The following VAT1L variants were observed in gnomAD, a reference collection of about 807,000 sequenced individuals.
VAT1L encodes the protein vesicle amine transport 1 like.
In VAT1L, 34 loss-of-function variants were observed where a neutral mutation model predicts 44.1. The observed-to-expected ratio is 0.77, with a 90% CI of 0.59 to 1.03. VAT1L has a LOEUF of 1.03. Ranked by LOEUF, VAT1L falls within the 50% of genes least tolerant of loss-of-function variation. VAT1L has a pLI of 0.00. For missense variants in VAT1L, 615 were observed against 538.8 expected (o/e 1.14, Z -1.40); for synonymous variants, 253 against 202.2 (o/e 1.25, Z -2.13).
chr16:77,859,090 G>T (rs895543767), intron 3 of VAT1L, among the ~76,000 whole-genome samples: 2 of 151,392 alleles, frequency 1.3e-5, no homozygotes, highest in African/African-American at 4.9e-5. Context: ...AGCTAAGATC[G>T]TGCTGCTGCA....
intron 7 of VAT1L, among the ~76,000 whole-genome samples, chr16:77,932,521 T>C (rs1263309679): frequency 3.9e-5 from 6 of 152,232 alleles, no homozygotes; most frequent in Admixed American, 3.3e-4. Flanking sequence ...CTGTGGAAAC[T>C]CTTTTCTTCA....
chr16:77,806,007 C>T (rs541237823), intron 1 of VAT1L, among the ~76,000 whole-genome samples: 9 of 150,354 alleles, frequency 6.0e-5, no homozygotes, highest in East Asian at 4.0e-4. Context: ...GGATTACAGG[C>T]GCCTGCCACC....
At chr16:77,834,039 C>G (rs1257542867) in intron 3 of VAT1L, among the ~76,000 whole-genome samples, 1 of 152,212 alleles carries the variant, frequency 6.6e-6, no homozygotes, top group Non-Finnish European at 1.5e-5. Context: ...TCTTTTCACT[C>G]CTTACTTGCA....
At chr16:77,789,178 G>T (rs2145198765) in intron 1 of VAT1L, among the ~76,000 whole-genome samples, 1 of 152,290 alleles carries the variant, frequency 6.6e-6, no homozygotes, top group Admixed American at 6.5e-5. Flanking sequence ...AGGCACCCCG[G>T]GTCTGGAAGA....
chr16:77,828,416 C>A (rs957515965), intron 3 of VAT1L, among the ~76,000 whole-genome samples: 3 of 152,110 alleles, frequency 2.0e-5, no homozygotes, highest in Admixed American at 6.5e-5. Flanking sequence ...GTAATCCCAG[C>A]ACTTTGGGAG....
Position 77,876,499 on chromosome 16 carries a change from G to A in VAT1L, c.826+26G>A, listed in dbSNP as rs190314803. The A allele has an allele frequency of 1.4e-4, 232 of 1,601,646 alleles. 2 individuals are homozygous for A. The highest frequency in any genetic ancestry group is 5.0e-4 in the Middle Eastern group (3 of 6,028). ...GTGAGTGCAAAACAGCAGCAGGGAC[G>A]TGGTCAGCAATAGGTACCTCTACAT... On this transcript the variant is annotated intron_variant, in intron 5 of 8. Transcript: ENST00000302536.
At chr16:77,824,384 T>C (rs769894129) in intron 2 of VAT1L, among the ~76,000 whole-genome samples, 17 of 152,186 alleles carry the variant, frequency 1.1e-4, no homozygotes, top group Non-Finnish European at 1.9e-4. Context: ...ATTAAATCAG[T>C]TGTATTACTT....
intron 5 of VAT1L, among the ~76,000 whole-genome samples, chr16:77,877,537 A>C (rs1404116817): frequency 7.4e-6 from 1 of 135,796 alleles, no homozygotes; most frequent in Admixed American, 7.6e-5. Flanking sequence ...AAAAAAAAAA[A>C]AAAAAACCAC....
chr16:77,867,247 A>C (rs12918636), intron 4 of VAT1L, among the ~76,000 whole-genome samples: 17,122 of 152,188 alleles, frequency 0.11, 1,228 homozygotes, highest in Middle Eastern at 0.19. Context: ...GGCGTGAAGC[A>C]TATGTTCATT....
At chr16:77,798,858 C>T (rs776325721) in intron 1 of VAT1L, among the ~76,000 whole-genome samples, 4 of 152,156 alleles carry the variant, frequency 2.6e-5, no homozygotes, top group Non-Finnish European at 4.4e-5. Flanking sequence ...CTTCAGAGGG[C>T]GGGAAGGCCA....
At chr16:77,838,470 T>C (rs1036307039) in intron 3 of VAT1L, among the ~76,000 whole-genome samples, 1 of 152,160 alleles carries the variant, frequency 6.6e-6, no homozygotes, top group African/African-American at 2.4e-5. Flanking sequence ...GCTCATGTCA[T>C]GGCAAATTTG....
intron 4 of VAT1L, among the ~76,000 whole-genome samples, chr16:77,872,646 C>A (rs111578015): frequency 6.6e-6 from 1 of 152,256 alleles, no homozygotes; most frequent in Non-Finnish European, 1.5e-5. Context: ...CACCATAAGG[C>A]CTTTGCACAT....
chr16:77,823,835 G>A (rs1411916496), intron 2 of VAT1L, among the ~76,000 whole-genome samples: 1 of 152,114 alleles, frequency 6.6e-6, no homozygotes, highest in Non-Finnish European at 1.5e-5. Flanking sequence ...CTAACATGGT[G>A]AAACCCCGTC....
intron 1 of VAT1L, among the ~76,000 whole-genome samples, chr16:77,814,711 G>T (rs1276286963): frequency 6.6e-6 from 1 of 152,188 alleles, no homozygotes; most frequent in African/African-American, 2.4e-5. Flanking sequence ...TCAGGTTGTA[G>T]AAATTTTATT....
At chr16:77,874,354 G>C (rs2017065125) in intron 4 of VAT1L, among the ~76,000 whole-genome samples, 1 of 152,002 alleles carries the variant, frequency 6.6e-6, no homozygotes, top group South Asian at 2.1e-4. Flanking sequence ...AAGTGAGGGA[G>C]ACAGGAGCAC....
chr16:77,824,704 T>C (rs1014041041), intron 2 of VAT1L, among the ~76,000 whole-genome samples: 13 of 144,558 alleles, frequency 9.0e-5, no homozygotes, highest in African/African-American at 3.1e-4. Flanking sequence ...TGCAGTGAGC[T>C]GAGATCACGC....
chr16:77,942,346 G>T (rs937188022), intron 7 of VAT1L, among the ~76,000 whole-genome samples: 1 of 151,994 alleles, frequency 6.6e-6, no homozygotes, highest in Non-Finnish European at 1.5e-5. Flanking sequence ...CCTCCCCCTG[G>T]TTCCCTCCCA....
At chr16:77,955,452 T>C (rs971887062) in intron 7 of VAT1L, among the ~76,000 whole-genome samples, 12 of 152,110 alleles carry the variant, frequency 7.9e-5, no homozygotes, top group African/African-American at 2.4e-4. Flanking sequence ...GGGCCGGGCG[T>C]GGTGGCTCAC....
chr16:77,941,878 C>G (rs898426888), intron 7 of VAT1L, among the ~76,000 whole-genome samples: 2 of 152,142 alleles, frequency 1.3e-5, no homozygotes, highest in African/African-American at 4.8e-5. Context: ...CACAAACCAC[C>G]ACACCCAGCC....
Sources: allele counts gnomAD v4.1 joint callset (sites outside exome capture counted in the v4.1 genomes callset), GRCh38; gene constraint gnomAD v4.1.1; transcripts MANE v1.5; gene names NCBI Gene and HGNC (gene_info 2026-07-23, HGNC 2026-07-21).